The following CDC5L variants were observed in gnomAD, a reference collection of about 807,000 sequenced individuals.
CDC5L encodes the protein cell division cycle 5 like, also known as cell division cycle 5-like protein.
In CDC5L, 18 loss-of-function variants were observed where a neutral mutation model predicts 104.1. The ratio of observed to expected loss-of-function variants is 0.17; its 90% CI spans 0.12 to 0.26. The LOEUF (loss-of-function observed/expected upper bound fraction) is 0.26, where lower values mean the gene tolerates loss of function less well. CDC5L is among the 10% of genes least tolerant of loss of function. The pLI is 1.00. For synonymous variants in CDC5L, 331 were observed against 322.7 expected, an observed-to-expected ratio of 1.03 and a Z score of -0.28; for missense variants, 673 against 956.9, an observed-to-expected ratio of 0.70 and a Z score of 3.91.
chr6:44,437,501 G>A (rs1381364565), intron 14 of CDC5L, among the ~76,000 whole-genome samples: 1 of 152,054 alleles, frequency 6.6e-6, no homozygotes, highest in Non-Finnish European at 1.5e-5. Flanking sequence ...TACAATTTAT[G>A]TCCATATTTG....
intron 13 of CDC5L, among the ~76,000 whole-genome samples, chr6:44,429,478 G>C (rs1182259424): frequency 1.3e-5 from 2 of 152,092 alleles, no homozygotes; most frequent in Non-Finnish European, 2.9e-5. Flanking sequence ...GAAAGCAAAG[G>C]ATGTTTATAC....
At chr6:44,422,838 T>G in intron 10 of CDC5L, 29 bp downstream of exon 10, 2 of 1,532,138 alleles carry the variant, frequency 1.3e-6, no homozygotes, top group Non-Finnish European at 1.8e-6. Context: ...TTAATACTCT[T>G]AAATTTTTTT....
chr6:44,445,983 A>C lies in CDC5L; in HGVS notation c.2304+116A>C, dbSNP rs575306087. 15 of 783,360 alleles carry C rather than the reference A, an allele frequency of 1.9e-5. No individual in the cohort carries two copies. In the South Asian group the frequency reaches 2.6e-4, roughly 14 times the overall value. 48.5% of individuals were successfully genotyped at this position (783,360 alleles called of 1,614,324 possible). ...CTGAAGTTGGTACTGTCAGGCTTTTAAAAATGAGAGCCTAAAGTGTTTGAC... is the reference window on the plus strand; with the variant it reads ...CTGAAGTTGGTACTGTCAGGCTTTTCAAAATGAGAGCCTAAAGTGTTTGAC... On this transcript the variant is annotated intron_variant, in intron 15 of 15. Coordinates refer to ENST00000371477, the MANE Select transcript of CDC5L (RefSeq NM_001253.4).
At chr6:44,432,402 G>A (rs1399138429) in intron 14 of CDC5L, among the ~76,000 whole-genome samples, 2 of 152,112 alleles carry the variant, frequency 1.3e-5, no homozygotes, top group African/African-American at 2.4e-5. Flanking sequence ...ATGGCTGCCA[G>A]TGTGTTTGAT....
chr6:44,391,538 G>A (rs1790621821), intron 2 of CDC5L, among the ~76,000 whole-genome samples: 2 of 152,028 alleles, frequency 1.3e-5, no homozygotes, highest in African/African-American at 2.4e-5. Flanking sequence ...GTGAGCCACC[G>A]CGCCCGGCTG....
intron 14 of CDC5L, among the ~76,000 whole-genome samples, chr6:44,434,508 C>T (rs1326249912): frequency 4.6e-5 from 7 of 152,208 alleles, no homozygotes; most frequent in Non-Finnish European, 8.8e-5. Flanking sequence ...GATTGAACCA[C>T]ATCTTGACTA....
intron 14 of CDC5L, among the ~76,000 whole-genome samples, chr6:44,441,197 G>T (rs758019483): frequency 6.6e-6 from 1 of 152,098 alleles, no homozygotes; most frequent in Non-Finnish European, 1.5e-5. Context: ...CTACTTCTAT[G>T]AGATTAACAT....
intron 8 of CDC5L, among the ~76,000 whole-genome samples, chr6:44,418,398 G>A (rs1462562886): frequency 1.3e-5 from 2 of 152,142 alleles, no homozygotes; most frequent in Non-Finnish European, 2.9e-5. Context: ...GTCTATCATT[G>A]TTGGACATTT....
intron 14 of CDC5L, among the ~76,000 whole-genome samples, chr6:44,444,542 C>T (rs1793357953): frequency 6.6e-6 from 1 of 152,056 alleles, no homozygotes; most frequent in African/African-American, 2.4e-5. Flanking sequence ...CTGTTTGTCT[C>T]CCCCATTAGC....
At chr6:44,417,054 G>A (rs1791939933) in intron 8 of CDC5L, among the ~76,000 whole-genome samples, 2 of 152,150 alleles carry the variant, frequency 1.3e-5, no homozygotes, top group South Asian at 4.1e-4. Context: ...GTGATTTAGT[G>A]CATTTTACTA....
intron 8 of CDC5L, among the ~76,000 whole-genome samples, chr6:44,413,078 G>A (rs898392916): frequency 4.6e-5 from 7 of 152,116 alleles, no homozygotes; most frequent in African/African-American, 1.2e-4. Context: ...CACCGCGCCC[G>A]GCCCAATTTT....
intron 8 of CDC5L, among the ~76,000 whole-genome samples, chr6:44,418,935 C>T (rs1792029461): frequency 6.6e-6 from 1 of 150,800 alleles, no homozygotes; most frequent in Admixed American, 6.6e-5. Flanking sequence ...AAATTTTCTC[C>T]CATTTTGTAG....
At chr6:44,440,047 T>G (rs1227290429) in intron 14 of CDC5L, among the ~76,000 whole-genome samples, 1 of 152,118 alleles carries the variant, frequency 6.6e-6, no homozygotes, top group African/African-American at 2.4e-5. Flanking sequence ...TAAAGGAAAT[T>G]AACAGTTTTC....
chr6:44,422,715 C>T lies in CDC5L; in HGVS notation c.1310C>T (p.Ser437Phe). The change falls in exon 10 of 16, where the codon TCT becomes TTT. Residue 437 changes from serine to phenylalanine, a missense_variant. By Grantham distance (155) the Ser-to-Phe change is radical. Around this residue, in one of 4 missense-constraint regions of CDC5L, gnomAD observed 578 missense variants for 737.0 expected, o/e 0.78. Transcript: ENST00000371477. ...SGTTPKPVINSTPGRTPLRDK... is the reference protein window; with the variant it reads ...SGTTPKPVINFTPGRTPLRDK... ...ACAACTCCCAAACCAGTTATTAACT[C>T]TACTCCGGGTAGAACTCCTCTTCGA... 6.2e-7 allele frequency: 1 copy of T among 1,612,986 alleles called. No homozygotes were observed. The highest frequency in any genetic ancestry group is 8.5e-7 in the Non-Finnish European group (1 of 1,179,086).
At chr6:44,401,932 A>G (rs1791148000) in intron 5 of CDC5L, among the ~76,000 whole-genome samples, 1 of 132,380 alleles carries the variant, frequency 7.6e-6, no homozygotes, top group Non-Finnish European at 1.6e-5. Flanking sequence ...GCGATAGTTT[A>G]CTGAGAATGA....
At position 44,424,641 on chromosome 6, in the gene CDC5L, G is replaced by T. The variant is rs113584117; in HGVS notation, c.1569+58G>T. 257 of 1,529,420 alleles carry T rather than the reference G, an allele frequency of 1.7e-4. 2 individuals are homozygous for T. In the African/African-American group the frequency reaches 2.7e-3, roughly 16 times the overall value. 94.7% of individuals were successfully genotyped at this position (1,529,420 alleles called of 1,614,324 possible). On this transcript the variant is annotated intron_variant, in intron 11 of 15. Transcript: ENST00000371477. ...GGCTGAATGTGTCAGTAGGCTGGAA[G>T]AATGAAGAATAGCCATTAAATGTCC...
intron 5 of CDC5L, among the ~76,000 whole-genome samples, chr6:44,398,975 AT>A (rs889545886): frequency 6.6e-6 from 1 of 152,058 alleles, no homozygotes; most frequent in African/African-American, 2.4e-5. Context: ...GTTAATTTTA[AT>A]TTTTTTTAAG....
Position 44,429,743 on chromosome 6 carries a change from G to C in CDC5L, c.1924G>C (p.Val642Leu). ...GGATGTTTTGGTGCAGGAGATGGAA[G>C]TGGTTAAACAAGGAATGAGCCATGG... ...AQDVLVQEME[V>L]VKQGMSHGEL... Residue 642 changes from valine to leucine, a missense_variant, in exon 14 of 16, where the codon GTG becomes CTG. Coordinates refer to ENST00000371477, the MANE Select transcript of CDC5L (RefSeq NM_001253.4). The C allele has an allele frequency of 6.2e-7, 1 of 1,614,040 alleles. No individual in the cohort carries two copies. The highest frequency in any genetic ancestry group is 2.2e-5 in the East Asian group (1 of 44,874).
At chr6:44,417,061 A>G (rs968983519) in intron 8 of CDC5L, among the ~76,000 whole-genome samples, 1 of 152,194 alleles carries the variant, frequency 6.6e-6, no homozygotes, top group African/African-American at 2.4e-5. Context: ...AGTGCATTTT[A>G]CTATGCTTAT....
Sources: gnomAD v4.1 joint callset for allele counts (sites outside exome capture counted in the v4.1 genomes callset) on GRCh38, gnomAD v4.1.1 for gene constraint, gnomAD v4.1.1 regional missense constraint, MANE v1.5 for transcripts, NCBI Gene and HGNC (gene_info 2026-07-23, HGNC 2026-07-21) for gene names.